GDPD4: variants seen among roughly 807,000 people sequenced by gnomAD.
GDPD4 encodes the protein glycerophosphodiester phosphodiesterase 6.
GDPD4 carries 60 observed loss-of-function variants against 67.8 expected under a neutral mutation model. The ratio of observed to expected loss-of-function variants is 0.88; its 90% CI spans 0.72 to 1.10. The LOEUF is 1.10. GDPD4 is among the 50% of genes least tolerant of loss of function. GDPD4 has a pLI of 0.00. For synonymous variants in GDPD4, 212 were observed against 210.9 expected (o/e 1.00, Z -0.04); for missense variants, 623 against 613.9 (o/e 1.01, Z -0.16).
At chr11:77,258,325 C>G (rs1959042882) in intron 11 of GDPD4, 61 bp downstream of exon 11, 2 of 1,478,844 alleles carry the variant, frequency 1.4e-6, no homozygotes, top group African/African-American at 1.4e-5. Flanking sequence ...TTTTCAGGAG[C>G]AGCACATGAT....
intron 3 of GDPD4, among the ~76,000 whole-genome samples, chr11:77,283,143 A>T (rs879434694): frequency 6.6e-6 from 1 of 152,336 alleles, no homozygotes. Flanking sequence ...TGATCATGGA[A>T]GCTAGCCAGT....
At chr11:77,293,139 G>T (rs1235463519) in intron 1 of GDPD4, among the ~76,000 whole-genome samples, 1 of 152,122 alleles carries the variant, frequency 6.6e-6, no homozygotes, top group Non-Finnish European at 1.5e-5. Flanking sequence ...CATTTCATAT[G>T]ACCAGTATCC....
chr11:77,276,424 G>A (rs116503090), intron 4 of GDPD4, among the ~76,000 whole-genome samples: 2,609 of 152,246 alleles, frequency 0.017, 77 homozygotes, highest in African/African-American at 0.059. Context: ...ACTCTTCAAA[G>A]CCAGTTCAAA....
intron 16 of GDPD4, among the ~76,000 whole-genome samples, chr11:77,225,889 T>C (rs778777048): frequency 6.6e-6 from 1 of 152,162 alleles, no homozygotes; most frequent in Non-Finnish European, 1.5e-5. Flanking sequence ...CTGACTTCTG[T>C]CTAGTCTTCC....
chr11:77,299,248 C>T (rs1459998324), intron 1 of GDPD4, among the ~76,000 whole-genome samples: 1 of 152,122 alleles, frequency 6.6e-6, no homozygotes, highest in Non-Finnish European at 1.5e-5. Flanking sequence ...GGTATTCTGT[C>T]CCATTAATTT....
At chr11:77,293,506 G>A (rs530193831) in intron 1 of GDPD4, among the ~76,000 whole-genome samples, 1 of 151,594 alleles carries the variant, frequency 6.6e-6, no homozygotes, top group Admixed American at 6.6e-5. Flanking sequence ...GAGGCAGGAG[G>A]ATTGCTTGAG....
chr11:77,232,266 G>A (rs979909888), intron 14 of GDPD4, among the ~76,000 whole-genome samples: 5 of 152,152 alleles, frequency 3.3e-5, no homozygotes, highest in Admixed American at 6.6e-5. Flanking sequence ...TTTCATTCAG[G>A]GGCAGAGAAA....
chr11:77,250,826 G>A (rs1309464481), intron 11 of GDPD4, among the ~76,000 whole-genome samples: 1 of 152,014 alleles, frequency 6.6e-6, no homozygotes, highest in East Asian at 1.9e-4. Flanking sequence ...TTATATGTCT[G>A]GGTGCTTTAG....
chr11:77,266,636 G>A (rs753442581), intron 10 of GDPD4, among the ~76,000 whole-genome samples: 2 of 152,168 alleles, frequency 1.3e-5, no homozygotes, highest in African/African-American at 2.4e-5. Flanking sequence ...TATCCCTGCA[G>A]ACACTGCAGT....
At chr11:77,293,254 G>A (rs1937841222) in intron 1 of GDPD4, among the ~76,000 whole-genome samples, 1 of 152,138 alleles carries the variant, frequency 6.6e-6, no homozygotes. Flanking sequence ...TACTGACCAA[G>A]TGTAGTTTTC....
chr11:77,239,855 G>A (rs1274174407), intron 13 of GDPD4, among the ~76,000 whole-genome samples: 1 of 151,928 alleles, frequency 6.6e-6, no homozygotes, highest in African/African-American at 2.4e-5. Context: ...CCAGCTACTT[G>A]GGAGGTTGAA....
chr11:77,250,906 G>A (rs540551233), intron 11 of GDPD4, among the ~76,000 whole-genome samples: 1 of 152,156 alleles, frequency 6.6e-6, no homozygotes, highest in Admixed American at 6.5e-5. Flanking sequence ...ATTTCATAAT[G>A]ACCTTCTTTG....
At chr11:77,293,344 A>G (rs1455635432) in intron 1 of GDPD4, among the ~76,000 whole-genome samples, 4 of 152,220 alleles carry the variant, frequency 2.6e-5, no homozygotes. Context: ...CTGTAATCCT[A>G]CAACTTTGGG....
intron 11 of GDPD4, among the ~76,000 whole-genome samples, chr11:77,257,295 A>C (rs1959019839): frequency 6.6e-6 from 1 of 152,182 alleles, no homozygotes; most frequent in African/African-American, 2.4e-5. Context: ...GTCATAAAAT[A>C]AGCTAGAAAA....
chr11:77,287,581 T>C (rs891808458), intron 1 of GDPD4, among the ~76,000 whole-genome samples, 161 bp from the exon 2 acceptor site: 3 of 152,224 alleles, frequency 2.0e-5, no homozygotes, highest in Non-Finnish European at 4.4e-5. Context: ...ATAGAGTTTC[T>C]TCCTACCTTT....
intron 4 of GDPD4, among the ~76,000 whole-genome samples, chr11:77,276,454 C>T (rs555763002): frequency 6.6e-6 from 1 of 152,322 alleles, no homozygotes; most frequent in South Asian, 2.1e-4. Flanking sequence ...CTATTTATAA[C>T]TTTCACCCGC....
chr11:77,224,726 T>G (rs1426974527), intron 16 of GDPD4, among the ~76,000 whole-genome samples: 1 of 152,218 alleles, frequency 6.6e-6, no homozygotes, highest in African/African-American at 2.4e-5. Context: ...AAAGGAACTG[T>G]CTAACCCATG....
At chr11:77,255,433 G>A (rs915861700) in intron 11 of GDPD4, among the ~76,000 whole-genome samples, 2 of 151,988 alleles carry the variant, frequency 1.3e-5, no homozygotes, top group Admixed American at 6.6e-5. Flanking sequence ...TCATGGTGGC[G>A]GGCGCCTGTA....
At chr11:77,259,567 C>CAAAAAAA (rs58042628) in intron 10 of GDPD4, among the ~76,000 whole-genome samples, 1 of 143,886 alleles carries the variant, frequency 6.9e-6, no homozygotes. Flanking sequence ...CTGAGAAAAG[C>CAAAAAAA]AAAAAAAAAA....
Sources: allele counts gnomAD v4.1 joint callset (sites outside exome capture counted in the v4.1 genomes callset), GRCh38; gene constraint gnomAD v4.1.1; transcripts MANE v1.5; gene names NCBI Gene and HGNC (gene_info 2026-07-23, HGNC 2026-07-21).